PCDH15: variants seen among roughly 807,000 people sequenced by gnomAD.
The protein encoded by PCDH15 is protocadherin-15.
Under a neutral mutation model 178.5 loss-of-function variants are expected in PCDH15, and 129 were observed. That is an observed-to-expected ratio of 0.72 (90% CI 0.63 to 0.84). The LOEUF (loss-of-function observed/expected upper bound fraction) is 0.84. Ranked by LOEUF, PCDH15 falls within the 40% of genes least tolerant of loss-of-function variation. The pLI is 0.00. For missense variants in PCDH15, 2,230 were observed against 2,099.9 expected (o/e 1.06, Z -1.21); for synonymous variants, 800 against 732.0 (o/e 1.09, Z -1.50).
In PCDH15 at chr10:55,453,731, C is replaced by T. The variant is rs1442338906; in HGVS notation, c.-156+173894G>A. ...TCCACAAGTGACTGCAAACACTCTC[C>T]CAATTCCAATTCCAAGCCAACCTTC... is the stretch of plus-strand genomic sequence containing the variant. On this transcript the variant is annotated intron_variant, in intron 2 of 5. Transcript: ENST00000613346. Among the ~76,000 whole-genome samples, 4 of 152,062 alleles carry T rather than the reference C, an allele frequency of 2.6e-5. No individual in the cohort carries two copies. In the East Asian group the frequency reaches 7.7e-4, roughly 29 times the overall value.
chr10:54,502,323 T>C (rs2137467838), intron 3 of PCDH15, among the ~76,000 whole-genome samples: 1 of 152,230 alleles, frequency 6.6e-6, no homozygotes, highest in East Asian at 1.9e-4. Flanking sequence ...TTAACTACCC[T>C]GCTTATCTTT....
intron 2 of PCDH15, among the ~76,000 whole-genome samples, chr10:54,955,681 T>C (rs1838468371): frequency 6.6e-6 from 1 of 151,368 alleles, no homozygotes; most frequent in African/African-American, 2.4e-5. Context: ...ATCAAAAATA[T>C]AATTTCATAG....
chr10:55,417,007 C>T lies in PCDH15; in HGVS notation c.-156+210618G>A, dbSNP rs142454178. 4.1e-3 allele frequency among the ~76,000 whole-genome samples: 627 copies of T among 151,832 alleles called. 4 individuals are homozygous for T. The highest frequency in any genetic ancestry group is 0.015 in the African/African-American group (603 of 41,480). On this transcript the variant is annotated intron_variant, in intron 2 of 5. Transcript: ENST00000613346. Reference sequence around the variant, plus strand: ...AAAGCAAAAGGGTGTCAGTAAAAGACTTTGTATGTGTCAAGCCTAGCACTC... The same window carrying T: ...AAAGCAAAAGGGTGTCAGTAAAAGATTTTGTATGTGTCAAGCCTAGCACTC...
intron 1 of PCDH15, 133 bp from the exon 2 acceptor site, chr10:54,664,423 A>G (rs2094538652): frequency 4.6e-6 from 3 of 658,182 alleles, no homozygotes; most frequent in Admixed American, 2.3e-5. Context: ...TCCATTAACA[A>G]AGTAACACAC....
chr10:53,898,309 T>G (rs2082106713), intron 26 of PCDH15, among the ~76,000 whole-genome samples: 1 of 152,194 alleles, frequency 6.6e-6, no homozygotes, highest in Non-Finnish European at 1.5e-5. Context: ...TAAATAGCAC[T>G]TCTATGAACA....
At chr10:54,544,383 C>T (rs1171963774) in intron 2 of PCDH15, among the ~76,000 whole-genome samples, 2 of 152,126 alleles carry the variant, frequency 1.3e-5, no homozygotes, top group East Asian at 1.9e-4. Flanking sequence ...AGTATTTTAC[C>T]ACCCTTGACA....
chr10:54,031,307 A>G (rs1200691550), intron 18 of PCDH15, among the ~76,000 whole-genome samples: 3 of 151,604 alleles, frequency 2.0e-5, no homozygotes, highest in African/African-American at 7.3e-5. Context: ...CTTCAGTTCT[A>G]CTTCATCTGG....
At chr10:54,868,476 C>T (rs1953977504) in intron 3 of PCDH15, among the ~76,000 whole-genome samples, 1 of 152,176 alleles carries the variant, frequency 6.6e-6, no homozygotes, top group South Asian at 2.1e-4. Flanking sequence ...TCCTCTCCTA[C>T]AGATGGCCTG....
intron 2 of PCDH15, among the ~76,000 whole-genome samples, chr10:55,109,840 T>G (rs1837452310): frequency 1.3e-5 from 2 of 152,002 alleles, no homozygotes; most frequent in African/African-American, 4.8e-5. Flanking sequence ...TTCTCGAAAT[T>G]TATTATGACT....
chr10:54,179,094 G>T (rs1438961261), intron 13 of PCDH15, among the ~76,000 whole-genome samples: 1 of 152,064 alleles, frequency 6.6e-6, no homozygotes, highest in African/African-American at 2.4e-5. Context: ...CTATAAATCA[G>T]GCTGCTATAA....
chr10:55,308,245 T>C (rs1391500716), intron 1 of PCDH15, among the ~76,000 whole-genome samples: 2 of 152,166 alleles, frequency 1.3e-5, no homozygotes, highest in Non-Finnish European at 2.9e-5. Context: ...TGTGTCTCTA[T>C]AACAAGCGGT....
chr10:55,470,406 T>C (rs1309504403), intron 2 of PCDH15, among the ~76,000 whole-genome samples: 1 of 152,166 alleles, frequency 6.6e-6, no homozygotes, highest in Non-Finnish European at 1.5e-5. Flanking sequence ...TAGTTCATTA[T>C]TAGCTTGATA....
At chr10:55,095,298 A>C (rs943016315) in intron 2 of PCDH15, among the ~76,000 whole-genome samples, 4 of 151,952 alleles carry the variant, frequency 2.6e-5, no homozygotes, top group African/African-American at 9.7e-5. Context: ...TTAATAATTT[A>C]TTTAAACATA....
chr10:55,569,092 G>A (rs1842358434), intron 2 of PCDH15, among the ~76,000 whole-genome samples: 1 of 152,050 alleles, frequency 6.6e-6, no homozygotes, highest in Non-Finnish European at 1.5e-5. Flanking sequence ...TTCTAGTTAT[G>A]CATCACCACA....
chr10:54,719,753 C>G (rs1195466770), intron 1 of PCDH15, among the ~76,000 whole-genome samples: 1 of 151,972 alleles, frequency 6.6e-6, no homozygotes, highest in Non-Finnish European at 1.5e-5. Context: ...GTTCAATTCC[C>G]ACTTATGAGT....
chr10:54,030,197 T>C (rs888064567), intron 18 of PCDH15, among the ~76,000 whole-genome samples: 1 of 152,088 alleles, frequency 6.6e-6, no homozygotes, highest in Non-Finnish European at 1.5e-5. Flanking sequence ...CTCTACCTTT[T>C]GCTTGTCCTT....
intron 1 of PCDH15, among the ~76,000 whole-genome samples, chr10:54,756,737 AGAGAG>A (rs1947182550): frequency 6.6e-6 from 1 of 152,018 alleles, no homozygotes; most frequent in Non-Finnish European, 1.5e-5. Flanking sequence ...AGAGAGAGAG[AGAGAG>A]AAACTATGGA....
chr10:54,066,631 T>G, intron 18 of PCDH15, 126 bp downstream of exon 18: 2 of 872,206 alleles, frequency 2.3e-6, no homozygotes, highest in Non-Finnish European at 3.5e-6. Flanking sequence ...TTTTAAAGTC[T>G]TGAAGAATAT....
At chr10:55,167,436 T>G (rs1839225618) in intron 1 of PCDH15, among the ~76,000 whole-genome samples, 1 of 152,166 alleles carries the variant, frequency 6.6e-6, no homozygotes, top group Admixed American at 6.6e-5. Context: ...ATTTCAAAAT[T>G]TTATACTATA....
Sources: allele counts gnomAD v4.1 joint callset (sites outside exome capture counted in the v4.1 genomes callset), GRCh38; gene constraint gnomAD v4.1.1; transcripts MANE v1.5; gene names NCBI Gene and HGNC (gene_info 2026-07-23, HGNC 2026-07-21).